Variants in RANBP17 observed in about 807,000 individuals in gnomAD.
RANBP17 encodes ran-binding protein 17.
Under a neutral mutation model 141.2 loss-of-function variants are expected in RANBP17, and 158 were observed. The observed-to-expected ratio is 1.12, with a 90% confidence interval of 0.98 to 1.28. RANBP17 has a LOEUF of 1.28. RANBP17 is among the 50% of genes most tolerant of loss of function. The pLI is 0.00. For synonymous variants in RANBP17, 430 were observed against 450.0 expected (o/e 0.96, Z 0.56); for missense variants, 1,438 against 1,290.7 (o/e 1.11, Z -1.75).
At chr5:171,277,637 G>GTATGTATATGTATATAAATATA (rs1554127913) in intron 25 of RANBP17, among the ~76,000 whole-genome samples, 1 of 56,904 alleles carries the variant, frequency 1.8e-5, no homozygotes, top group Non-Finnish European at 3.4e-5. Flanking sequence ...ATATATGTAT[G>GTATGTATATGTATATAAATATA]TATATATATA....
intron 1 of RANBP17, 59 bp downstream of exon 1, chr5:170,862,110 C>A: frequency 1.4e-6 from 2 of 1,402,806 alleles, no homozygotes; most frequent in South Asian, 1.5e-5. Context: ...CGGCGGGACG[C>A]GTCTGGAGAC....
Position 171,295,813 on chromosome 5 carries a change from C to T in RANBP17, c.3043-74C>T, listed in dbSNP as rs1768778754. 1.2e-5 allele frequency: 19 copies of T among 1,537,228 alleles called. 1 individual carries two copies. In the South Asian group the frequency reaches 2.2e-4, roughly 17 times the overall value. Reference sequence around the variant, plus strand: ...GAGCCCTGAGTAGATGAGAGCTGCTCTATCCATCCCCTGCCAGCTGTCTTC... The same window carrying T: ...GAGCCCTGAGTAGATGAGAGCTGCTTTATCCATCCCCTGCCAGCTGTCTTC... On this transcript the variant is annotated intron_variant, in intron 26 of 27. Coordinates refer to ENST00000523189, the MANE Select transcript of RANBP17 (RefSeq NM_022897.5).
At chr5:170,865,604 C>T (rs928883297) in intron 1 of RANBP17, among the ~76,000 whole-genome samples, 1 of 152,126 alleles carries the variant, frequency 6.6e-6, no homozygotes, top group Non-Finnish European at 1.5e-5. Flanking sequence ...CTGTGAATAT[C>T]AGGGGGAGGT....
chr5:171,117,269 A>G (rs1319797544), intron 14 of RANBP17, among the ~76,000 whole-genome samples: 2 of 152,134 alleles, frequency 1.3e-5, no homozygotes, highest in East Asian at 3.9e-4. Flanking sequence ...CATAGTGGCT[A>G]TACTGTCACA....
chr5:171,017,514 G>GT (rs1780531785), intron 14 of RANBP17, among the ~76,000 whole-genome samples: 1 of 152,056 alleles, frequency 6.6e-6, no homozygotes, highest in African/African-American at 2.4e-5. Context: ...GTGATGTTAA[G>GT]TTTTTTTCCA....
rs112739572 is a variant in RANBP17 at position 171,298,856 on chromosome 5, T to A, written c.3265T>A (p.Ter1089ArgextTer96). Residue 1089 changes from the stop codon to arginine (R), a stop_lost, in exon 28 of 28, where the codon TGA becomes AGA. Transcript: ENST00000523189. ...TEPCSLDMMS[*>R] Reference sequence around the variant, plus strand: ...ACCATGCAGTCTCGACATGATGAGCTGACCCGACTTTTCTGACCATGTGCG... The same window carrying A: ...ACCATGCAGTCTCGACATGATGAGCAGACCCGACTTTTCTGACCATGTGCG... 2.4e-5 allele frequency: 38 copies of A among 1,613,598 alleles called. No homozygotes were observed. The highest frequency in any genetic ancestry group is 3.1e-5 in the Non-Finnish European group (37 of 1,179,470).
intron 14 of RANBP17, among the ~76,000 whole-genome samples, chr5:171,006,167 C>G (rs1186439578): frequency 6.6e-6 from 1 of 152,186 alleles, no homozygotes; most frequent in African/African-American, 2.4e-5. Flanking sequence ...ATTAGTTCAA[C>G]CATTGTGGAA....
chr5:170,983,446 A>G (rs545574130), intron 14 of RANBP17, among the ~76,000 whole-genome samples: 2 of 152,232 alleles, frequency 1.3e-5, no homozygotes, highest in Non-Finnish European at 2.9e-5. Context: ...GAATTGAATC[A>G]TAGTACCATG....
chr5:170,897,638 C>T (rs781141016), intron 5 of RANBP17, among the ~76,000 whole-genome samples: 1 of 151,608 alleles, frequency 6.6e-6, no homozygotes, highest in African/African-American at 2.4e-5. Context: ...TCAGCTCTCA[C>T]TTATGAGTAA....
At chr5:170,873,762 A>G (rs1356905889) in intron 1 of RANBP17, among the ~76,000 whole-genome samples, 1 of 152,110 alleles carries the variant, frequency 6.6e-6, no homozygotes, top group African/African-American at 2.4e-5. Flanking sequence ...CTAGCAGTCT[A>G]TCTATTTTAT....
chr5:171,212,761 A>G lies in RANBP17; in HGVS notation c.2232-870A>G, dbSNP rs77255224. ...AGAGACTTGAGGATTGGGAAAAGAA[A>G]AGAGAAATTAAGGCAGTGACATAGA... is the stretch of plus-strand genomic sequence containing the variant. On this transcript the variant is annotated intron_variant, in intron 20 of 27. Coordinates refer to ENST00000523189, the MANE Select transcript of RANBP17 (RefSeq NM_022897.5). 2.0e-5 allele frequency among the ~76,000 whole-genome samples: 3 copies of G among 152,286 alleles called. No homozygotes were observed. The East Asian group carries it at 5.8e-4, about 29-fold the overall frequency.
At chr5:171,186,261 C>A (rs1385842703) in intron 18 of RANBP17, among the ~76,000 whole-genome samples, 1 of 152,158 alleles carries the variant, frequency 6.6e-6, no homozygotes, top group Non-Finnish European at 1.5e-5. Context: ...CATTGAAAAT[C>A]TGTTTAGTGC....
chr5:171,099,901 A>G (rs188767812), intron 14 of RANBP17, among the ~76,000 whole-genome samples: 1 of 152,336 alleles, frequency 6.6e-6, no homozygotes, highest in East Asian at 1.9e-4. Flanking sequence ...GTGATGGATT[A>G]CGTTTACTGA....
At position 171,131,090 on chromosome 5, in the gene RANBP17, G is replaced by C. The variant is rs181914375; in HGVS notation, c.1711-39040G>C. 3.5e-3 allele frequency among the ~76,000 whole-genome samples: 531 copies of C among 152,038 alleles called. 4 individuals are homozygous for C. The highest frequency in any genetic ancestry group is 6.9e-3 in the South Asian group (33 of 4,804). On this transcript the variant is annotated intron_variant, in intron 14 of 27. Coordinates refer to ENST00000523189, the MANE Select transcript of RANBP17 (RefSeq NM_022897.5). ...TGGTTCTGTCACTTAGTAGCCTTTG[G>C]GCGAATTTTTCAAACTCAGATCCTC...
intron 14 of RANBP17, among the ~76,000 whole-genome samples, chr5:171,060,248 T>G (rs76409021): frequency 2.0e-5 from 2 of 98,526 alleles, no homozygotes; most frequent in African/African-American, 3.2e-5. Context: ...GTGCCAGTTT[T>G]CAAAGGGAAT....
chr5:171,016,994 G>A (rs7712056), intron 14 of RANBP17, among the ~76,000 whole-genome samples: 103,680 of 150,412 alleles, frequency 0.69, 35,817 homozygotes, highest in South Asian at 0.89. Flanking sequence ...ACGTGTGAGA[G>A]CATTCGGTGT....
rs576803891 is a variant in RANBP17 at position 171,008,979 on chromosome 5, TA to T, written c.1710+40603del. Reference sequence around the variant, plus strand: ...GTGCTCCTTTTCAATTTGTATAATTTACAGGTTATTAAATGGCATTACTTAT... The same window carrying T: ...GTGCTCCTTTTCAATTTGTATAATTTCAGGTTATTAAATGGCATTACTTAT... On this transcript the variant is annotated intron_variant, in intron 14 of 27. Coordinates refer to ENST00000523189, the MANE Select transcript of RANBP17 (RefSeq NM_022897.5). Among the ~76,000 whole-genome samples, 120 of 152,328 alleles carry T rather than the reference TA, an allele frequency of 7.9e-4. 1 individual carries two copies. The highest frequency in any genetic ancestry group is 2.6e-3 in the African/African-American group (110 of 41,582).
intron 3 of RANBP17, among the ~76,000 whole-genome samples, chr5:170,889,817 A>G (rs1292839248): frequency 1.3e-5 from 2 of 151,986 alleles, no homozygotes; most frequent in Non-Finnish European, 2.9e-5. Flanking sequence ...TCTTCTTAGT[A>G]TGGCTTTTCT....
At chr5:171,185,939 T>G (rs549468331) in intron 18 of RANBP17, among the ~76,000 whole-genome samples, 1 of 152,364 alleles carries the variant, frequency 6.6e-6, no homozygotes, top group South Asian at 2.1e-4. Context: ...TCTTTTTTTC[T>G]GAGCAGTAGG....
Sources: allele counts gnomAD v4.1 joint callset (sites outside exome capture counted in the v4.1 genomes callset), GRCh38; gene constraint gnomAD v4.1.1; transcripts MANE v1.5; gene names NCBI Gene and HGNC (gene_info 2026-07-23, HGNC 2026-07-21).